Variants in FOXN3 observed in about 807,000 individuals in gnomAD.
FOXN3 encodes the protein forkhead box protein N3.
Under a neutral mutation model 38.4 loss-of-function variants are expected in FOXN3, and 7 were observed. The observed-to-expected ratio is 0.18, with a 90% CI of 0.10 to 0.34. The LOEUF (loss-of-function observed/expected upper bound fraction) is 0.34. Ranked by LOEUF, FOXN3 falls within the 10% of genes least tolerant of loss-of-function variation. The probability of loss-of-function intolerance (pLI) is 1.00; values close to 1 mark genes in which losing one functional copy is unlikely to be tolerated. For missense variants in FOXN3, 456 were observed against 613.4 expected (o/e 0.74, Z 2.71); for synonymous variants, 230 against 242.2 (o/e 0.95, Z 0.47).
chr14:89,488,014 A>G (rs2139769847), intron 1 of FOXN3, among the ~76,000 whole-genome samples: 1 of 152,156 alleles, frequency 6.6e-6, no homozygotes, highest in South Asian at 2.1e-4. Flanking sequence ...TGGCTGATAC[A>G]AGAGAAATTT....
chr14:89,238,478 A>G (rs975205938), intron 4 of FOXN3, among the ~76,000 whole-genome samples: 3 of 152,234 alleles, frequency 2.0e-5, no homozygotes, highest in Non-Finnish European at 4.4e-5. Context: ...ACTGGCTTCT[A>G]ACTTCTTACC....
rs550361337 is a variant in FOXN3 at position 89,408,543 on chromosome 14, C to T, written c.543+3391G>A. Among the ~76,000 whole-genome samples, 24 of 150,492 alleles carry T rather than the reference C, an allele frequency of 1.6e-4. No individual in the cohort carries two copies. The East Asian group carries it at 2.3e-3, about 15-fold the overall frequency. On this transcript the variant is annotated intron_variant, in intron 2 of 5. Transcript: ENST00000557258. ...TGCTGGGATTACAGGTGTGAGTCAC[C>T]GTGCCCGGCTGGGAATTGTTTTTTA...
chr14:89,394,252 T>C (rs1891045341), intron 2 of FOXN3, among the ~76,000 whole-genome samples: 1 of 146,530 alleles, frequency 6.8e-6, no homozygotes, highest in African/African-American at 2.6e-5. Context: ...AGTTTCACTC[T>C]TGTTGCCCAG....
At chr14:89,358,666 A>T (rs1228629614) in intron 2 of FOXN3, among the ~76,000 whole-genome samples, 1 of 152,222 alleles carries the variant, frequency 6.6e-6, no homozygotes, top group Non-Finnish European at 1.5e-5. Flanking sequence ...ATTAATTAGA[A>T]TACATGGGTC....
intron 1 of FOXN3, among the ~76,000 whole-genome samples, chr14:89,532,614 T>C (rs1287151624): frequency 6.6e-6 from 1 of 152,250 alleles, no homozygotes; most frequent in Non-Finnish European, 1.5e-5. Flanking sequence ...ACTGATTTAC[T>C]GTGGCAAAAC....
intron 1 of FOXN3, among the ~76,000 whole-genome samples, chr14:89,531,414 T>C (rs1327372170): frequency 1.3e-5 from 2 of 152,206 alleles, no homozygotes; most frequent in African/African-American, 4.8e-5. Flanking sequence ...TTGAACAGTA[T>C]AGAAGTTAAC....
At chr14:89,549,790 G>A (rs374083211) in intron 1 of FOXN3, among the ~76,000 whole-genome samples, 14 of 152,194 alleles carry the variant, frequency 9.2e-5, no homozygotes, top group African/African-American at 2.4e-4. Context: ...CAACCCAAGC[G>A]AGCTCCCTGC....
intron 1 of FOXN3, among the ~76,000 whole-genome samples, chr14:89,435,519 C>A (rs145199589): frequency 6.6e-6 from 1 of 152,144 alleles, no homozygotes; most frequent in Admixed American, 6.5e-5. Context: ...ACGTCCATGG[C>A]GCTCCCAGAT....
At chr14:89,566,633 T>C (rs1296345617) in intron 1 of FOXN3, among the ~76,000 whole-genome samples, 2 of 152,236 alleles carry the variant, frequency 1.3e-5, no homozygotes, top group African/African-American at 2.4e-5. Flanking sequence ...GTGAAAATTA[T>C]GTTCATTGTG....
At chr14:89,346,811 G>A (rs1888771794) in intron 3 of FOXN3, among the ~76,000 whole-genome samples, 1 of 152,150 alleles carries the variant, frequency 6.6e-6, no homozygotes, top group East Asian at 1.9e-4. Flanking sequence ...CCCTCTGAAT[G>A]GGAATTGTGT....
intron 1 of FOXN3, among the ~76,000 whole-genome samples, chr14:89,585,388 T>C (rs1363069128): frequency 6.6e-6 from 1 of 152,204 alleles, no homozygotes; most frequent in Non-Finnish European, 1.5e-5. Flanking sequence ...TTCTACTTAT[T>C]TGTTGTTGTT....
intron 1 of FOXN3, among the ~76,000 whole-genome samples, chr14:89,467,059 C>T (rs1006526010): frequency 1.3e-5 from 2 of 152,346 alleles, no homozygotes; most frequent in Admixed American, 6.5e-5. Flanking sequence ...TAATCATGAA[C>T]TCAGATCCAA....
intron 1 of FOXN3, among the ~76,000 whole-genome samples, chr14:89,512,873 G>C (rs1461172279): frequency 2.0e-5 from 3 of 152,164 alleles, no homozygotes; most frequent in Admixed American, 6.5e-5. Context: ...GGGTGTGGTG[G>C]CTCATGCCTG....
At chr14:89,564,920 C>A (rs1369661154) in intron 1 of FOXN3, among the ~76,000 whole-genome samples, 1 of 151,794 alleles carries the variant, frequency 6.6e-6, no homozygotes, top group Non-Finnish European at 1.5e-5. Context: ...TGACAAGACC[C>A]CCTGTCTCTA....
intron 5 of FOXN3, among the ~76,000 whole-genome samples, chr14:89,174,156 A>G (rs937452239): frequency 6.6e-6 from 1 of 152,178 alleles, no homozygotes; most frequent in Admixed American, 6.5e-5. Flanking sequence ...TAGGAGAGAG[A>G]TGCCATTTAG....
upstream of FOXN3, among the ~76,000 whole-genome samples, chr14:89,418,647 A>G (rs12888084): frequency 0.42 from 64,228 of 151,858 alleles, 17,066 homozygotes; most frequent in Admixed American, 0.56. Context: ...CAAAGTCACT[A>G]AGCAAAAGGC....
Position 89,446,087 on chromosome 14 carries a change from CAAAAAA to C in FOXN3, c.-14-33603_-14-33598del, listed in dbSNP as rs576883864. On this transcript the variant is annotated intron_variant, in intron 1 of 6. Transcript: ENST00000345097. Reference sequence around the variant, plus strand: ...TGGGTAACAGAGCGAGACCCTGCCTCAAAAAAAAAAAAAAAAAAAAAAAATTTTAAG... The same window carrying C: ...TGGGTAACAGAGCGAGACCCTGCCTCAAAAAAAAAAAAAAAAAATTTTAAG... 3.0e-4 allele frequency among the ~76,000 whole-genome samples: 12 copies of C among 40,118 alleles called. No homozygotes were observed. The South Asian group carries it at 6.6e-3, about 22-fold the overall frequency. 26.3% of individuals were successfully genotyped at this position (40,118 alleles called of 152,430 possible).
chr14:89,374,071 G>A (rs940642558), intron 2 of FOXN3, among the ~76,000 whole-genome samples: 3 of 151,822 alleles, frequency 2.0e-5, no homozygotes, highest in Non-Finnish European at 4.4e-5. Context: ...TTCAAGATCA[G>A]TCTGGGCAAC....
At chr14:89,472,712 C>A (rs184368043) in intron 1 of FOXN3, among the ~76,000 whole-genome samples, 144 of 144,340 alleles carry the variant, frequency 1.0e-3, no homozygotes, top group African/African-American at 3.7e-3. Context: ...CGGAGCAAGA[C>A]CCCATCTCAA....
Sources: allele counts gnomAD v4.1 joint callset (sites outside exome capture counted in the v4.1 genomes callset), GRCh38; gene constraint gnomAD v4.1.1; transcripts MANE v1.5; gene names NCBI Gene and HGNC (gene_info 2026-07-23, HGNC 2026-07-21).